Variants in GON4L observed in about 807,000 individuals in gnomAD.
GON4L encodes the protein GON-4-like protein.
GON4L carries 87 observed loss-of-function variants against 211.8 expected under a neutral mutation model. The ratio of observed to expected loss-of-function variants is 0.41; its 90% CI spans 0.35 to 0.49. The LOEUF (loss-of-function observed/expected upper bound fraction) is 0.49, where lower values mean the gene tolerates loss of function less well. Ranked by LOEUF, GON4L falls within the 20% of genes least tolerant of loss-of-function variation. The pLI, the probability that GON4L is intolerant of heterozygous loss-of-function variation, is 0.15. For synonymous variants in GON4L, 875 were observed against 962.6 expected (o/e 0.91, Z 1.68); for missense variants, 2,155 against 2,659.5 (o/e 0.81, Z 4.17).
intron 2 of GON4L, among the ~76,000 whole-genome samples, chr1:155,834,733 A>C (rs1384546247): frequency 6.6e-6 from 1 of 152,130 alleles, no homozygotes; most frequent in Non-Finnish European, 1.5e-5. Context: ...GGCAACCCCC[A>C]GATGTTACCT....
chr1:155,824,434 C>CAAAAAA (rs769823401), intron 3 of GON4L, among the ~76,000 whole-genome samples: 177 of 7,438 alleles, frequency 0.024, 23 homozygotes, highest in Non-Finnish European at 0.035. Context: ...AACTCCACAT[C>CAAAAAA]AAAAAAAAAA....
intron 24 of GON4L, among the ~76,000 whole-genome samples, chr1:155,758,789 G>T (rs1414863618): frequency 6.6e-6 from 1 of 152,176 alleles, no homozygotes; most frequent in Non-Finnish European, 1.5e-5. Context: ...TGAGGCAGGA[G>T]AATCACTTGA....
At chr1:155,794,677 C>G (rs1557869944) in intron 12 of GON4L, among the ~76,000 whole-genome samples, 1 of 152,172 alleles carries the variant, frequency 6.6e-6, no homozygotes, top group Non-Finnish European at 1.5e-5. Context: ...GGAGATGACA[C>G]TCTCTTTTAG....
chr1:155,784,529 G>A (rs1317878923), intron 13 of GON4L: 1 of 188,788 alleles, frequency 5.3e-6, no homozygotes, highest in Non-Finnish European at 1.1e-5. Flanking sequence ...GTGACTACAG[G>A]TGCCCGCCAC....
In GON4L at chr1:155,853,360, C is replaced by T. The variant is rs144574819; in HGVS notation, c.421G>A (p.Val141Ile). ...TGATCACATCTGTCTTCTTGGGTAA[C>T]TGGCCCAGGCCTGAGTGTCATTTTT... ...GKKMTLRPGPVTQEDRCDHLT... is the reference protein window; with the variant it reads ...GKKMTLRPGPITQEDRCDHLT... Residue 141 changes from valine to isoleucine, a missense_variant, in exon 2 of 32, where the codon GTT becomes ATT. Val to Ile is a conservative substitution (Grantham distance 29, BLOSUM62 3). Transcript: ENST00000368331. 123 of 1,614,134 alleles carry T rather than the reference C, an allele frequency of 7.6e-5. No individual in the cohort carries two copies. The African/African-American group carries it at 1.5e-3, about 20-fold the overall frequency.
chr1:155,752,704 G>T, intron 29 of GON4L, 114 bp from the exon 30 acceptor site: 2 of 1,500,462 alleles, frequency 1.3e-6, no homozygotes, highest in East Asian at 2.5e-5. Context: ...AGAGGGCTGG[G>T]CATGGTGGCT....
At chr1:155,849,866 C>T (rs4971104) in intron 2 of GON4L, among the ~76,000 whole-genome samples, 3,408 of 148,970 alleles carry the variant, frequency 0.023, 45 homozygotes, top group Non-Finnish European at 0.034. Context: ...AGTAGTTGAA[C>T]TGATTCTTAT....
chr1:155,748,604 A>C, downstream of GON4L: 1 of 1,613,254 alleles, frequency 6.2e-7, no homozygotes, highest in Non-Finnish European at 8.5e-7. Context: ...CTTCTCTTTA[A>C]GTGGTGACAG....
At position 155,765,977 on chromosome 1, in the gene GON4L, G is replaced by T; in HGVS notation, c.3496C>A (p.Pro1166Thr). 1 of 1,614,162 alleles carries T rather than the reference G, an allele frequency of 6.2e-7. No individual in the cohort carries two copies. Among genetic ancestry groups the T allele is most frequent in the Non-Finnish European group, 8.5e-7 (1 of 1,180,032 alleles). Residue 1166 changes from proline to threonine, a missense_variant, in exon 21 of 32, where the codon CCT becomes ACT. Pro to Thr is a conservative substitution (Grantham distance 38, BLOSUM62 -1). Coordinates refer to ENST00000368331, the MANE Select transcript of GON4L (RefSeq NM_001282860.2). ...SLGGGCNMIQ[P>T]VNAAVAQSPQ... ...CTCTGGGCCACAGCCGCATTGACAG[G>T]CTGGATCATGTTACAGCCACCGCCA... is the stretch of plus-strand genomic sequence containing the variant.
intron 12 of GON4L, 88 bp from the exon 13 acceptor site, chr1:155,785,462 A>C: frequency 1.1e-6 from 1 of 915,706 alleles, no homozygotes; most frequent in Non-Finnish European, 1.8e-6. Flanking sequence ...TAATGTTTTC[A>C]ACAAGGCATG....
chr1:155,788,115 A>T (rs58487769), intron 12 of GON4L, among the ~76,000 whole-genome samples: 1 of 152,108 alleles, frequency 6.6e-6, no homozygotes, highest in African/African-American at 2.4e-5. Context: ...CCTCAGCCTC[A>T]TAAGTAGCTG....
At chr1:155,788,247 T>G (rs1443586617) in intron 12 of GON4L, among the ~76,000 whole-genome samples, 3 of 150,692 alleles carry the variant, frequency 2.0e-5, no homozygotes, top group African/African-American at 7.3e-5. Context: ...CCTGCCTCAG[T>G]ATCCCAAAGT....
At chr1:155,772,935 T>TAG in intron 18 of GON4L, 131 bp downstream of exon 18, 1 of 1,210,556 alleles carries the variant, frequency 8.3e-7, no homozygotes. Flanking sequence ...TGCTCATCTA[T>TAG]ATTGCTTTTC....
In GON4L at chr1:155,762,246, G is replaced by A. The variant is rs1260263684; in HGVS notation, c.4855C>T (p.Arg1619Ter). ...LLLYDEDILE[R>*]DPLREQKDLA... The stretch of plus-strand genomic sequence containing the variant: ...TCCTTCTGCTCCCTGAGTGGATCTC[G>A]CTCGAGAATGTCCTCATCATACAGC... The change falls in exon 23 of 32, where the codon CGA becomes TGA. Residue 1619 changes from arginine to a stop codon, truncating the protein, a stop_gained. Transcript: ENST00000368331. LOFTEE classifies it high-confidence loss of function. 7 of 1,612,092 alleles carry A rather than the reference G, an allele frequency of 4.3e-6. No individual in the cohort carries two copies. Among genetic ancestry groups the A allele is most frequent in the East Asian group, 2.2e-5 (1 of 44,846 alleles).
At chr1:155,814,298 T>C (rs1406685725) in intron 9 of GON4L, 32 bp downstream of exon 9, 2 of 1,590,110 alleles carry the variant, frequency 1.3e-6, no homozygotes, top group Non-Finnish European at 1.7e-6. Flanking sequence ...GACAGTTATG[T>C]CTAACATCTC....
intron 2 of GON4L, among the ~76,000 whole-genome samples, chr1:155,842,561 G>A (rs1395533100): frequency 4.0e-5 from 6 of 148,920 alleles, no homozygotes; most frequent in South Asian, 2.1e-4. Flanking sequence ...GGAAAGGGCC[G>A]GGCCAGTGGC....
chr1:155,822,174 C>T (rs778088103), intron 4 of GON4L, 112 bp downstream of exon 4: 94 of 880,238 alleles, frequency 1.1e-4, no homozygotes, highest in Non-Finnish European at 1.7e-4. Context: ...TCACGGGTAA[C>T]CCACAAAATC....
In GON4L at chr1:155,816,255, G is replaced by A. The variant is rs866676272; in HGVS notation, c.1022C>T (p.Pro341Leu). ...CTTAATTGGTGAAATATTCCATGTT[G>A]GAATTACCTACCAACAAAGAATATA... is the stretch of plus-strand genomic sequence containing the variant. ...KEVVEKGVVIPTWNISPIKKA... is the reference protein window; with the variant it reads ...KEVVEKGVVILTWNISPIKKA... The change falls in exon 7 of 32, where the codon CCA (proline) becomes CTA (leucine). Residue 341 changes from proline (P) to leucine (L), a missense_variant. Pro to Leu is a moderately conservative substitution (Grantham distance 98). Around this residue, in one of 6 missense-constraint regions of GON4L, gnomAD observed 551 missense variants for 854.0 expected, o/e 0.65. Coordinates refer to ENST00000368331, the MANE Select transcript of GON4L (RefSeq NM_001282860.2). 7.7e-7 allele frequency: 1 copy of A among 1,291,064 alleles called. No individual in the cohort carries two copies. The highest frequency in any genetic ancestry group is 1.1e-6 in the Non-Finnish European group (1 of 887,756). The allele number at this position is 1,291,064 out of a possible 1,614,324, so 80.0% of individuals were successfully genotyped here. A position where few individuals can be genotyped will look rare whatever the true frequency, so the allele number is the denominator to read the frequency against.
In GON4L at chr1:155,767,478, G is replaced by C. The variant is rs1207282562; in HGVS notation, c.2710C>G (p.Gln904Glu). Residue 904 changes from glutamine (Q) to glutamate (E), a missense_variant, in exon 20 of 32, where the codon CAG (glutamine) becomes GAG (glutamate). Physicochemically the swap from Gln to Glu is conservative, Grantham distance 29. This residue lies in a region of GON4L where 551 missense variants were observed against 854.0 expected (regional missense o/e 0.65). Coordinates refer to ENST00000368331, the MANE Select transcript of GON4L (RefSeq NM_001282860.2). ...GKCCEEIQPHQWKPPIEREEH... is the reference protein window; with the variant it reads ...GKCCEEIQPHEWKPPIEREEH... ...TCTCTCTCTATAGGTGGCTTCCACT[G>C]ATGTGGCTGGATCTCTTCACAGCAT... 2 of 1,612,618 alleles carry C rather than the reference G, an allele frequency of 1.2e-6. No individual in the cohort carries two copies. The highest frequency in any genetic ancestry group is 3.3e-5 in the Admixed American group (2 of 59,896).
Sources: allele counts gnomAD v4.1 joint callset (sites outside exome capture counted in the v4.1 genomes callset), GRCh38; gene constraint gnomAD v4.1.1; regional missense constraint gnomAD v4.1.1; transcripts MANE v1.5; gene names NCBI Gene and HGNC (gene_info 2026-07-23, HGNC 2026-07-21).